The following RBMS1 variants were observed in gnomAD, a reference collection of about 807,000 sequenced individuals.
RBMS1 encodes RNA binding motif single stranded interacting protein 1.
Under a neutral mutation model 62.3 loss-of-function variants are expected in RBMS1, and 17 were observed. The observed-to-expected ratio is 0.27, with a 90% CI of 0.19 to 0.41. The LOEUF (loss-of-function observed/expected upper bound fraction) is 0.41, where lower values mean the gene tolerates loss of function less well. Among genes scored for constraint, RBMS1 ranks in the 10% least tolerant of loss-of-function variants. The probability of loss-of-function intolerance (pLI) is 1.00; values close to 1 mark genes in which losing one functional copy is unlikely to be tolerated. For synonymous variants in RBMS1, 172 were observed against 170.0 expected (o/e 1.01, Z -0.09); for missense variants, 334 against 504.5 (o/e 0.66, Z 3.24).
chr2:160,358,060 A>G (rs1692903678), intron 2 of RBMS1, among the ~76,000 whole-genome samples: 1 of 152,200 alleles, frequency 6.6e-6, no homozygotes, highest in African/African-American at 2.4e-5. Context: ...TGCAACTAAC[A>G]TGAAAAAGAA....
At chr2:160,426,224 A>AGAAAGAAC (rs2105277923) in intron 1 of RBMS1, among the ~76,000 whole-genome samples, 1 of 86,324 alleles carries the variant, frequency 1.2e-5, no homozygotes, top group East Asian at 3.0e-4. Flanking sequence ...GACAGAAGAA[A>AGAAAGAAC]GAAAGAAAGA....
intron 1 of RBMS1, among the ~76,000 whole-genome samples, chr2:160,424,242 C>T (rs1696552750): frequency 6.6e-6 from 1 of 152,012 alleles, no homozygotes; most frequent in African/African-American, 2.4e-5. Context: ...TGGTCTCAAA[C>T]TCCTGACCTC....
At chr2:160,452,524 A>C (rs901399610) in intron 1 of RBMS1, among the ~76,000 whole-genome samples, 1 of 152,142 alleles carries the variant, frequency 6.6e-6, no homozygotes, top group African/African-American at 2.4e-5. Context: ...TTGTTGTTGT[A>C]TTGTTATTCA....
At chr2:160,363,130 G>C (rs924091373) in intron 2 of RBMS1, among the ~76,000 whole-genome samples, 3 of 152,096 alleles carry the variant, frequency 2.0e-5, no homozygotes, top group African/African-American at 7.2e-5. Context: ...AGCGTTATTT[G>C]ACCTATTTTA....
intron 1 of RBMS1, among the ~76,000 whole-genome samples, chr2:160,492,467 A>C (rs1685874236): frequency 1.3e-5 from 2 of 152,104 alleles, no homozygotes; most frequent in South Asian, 4.1e-4. Flanking sequence ...TGCCGAGGTC[A>C]CTTTTTAAAA....
At chr2:160,284,068 CCTAT>C (rs1333950943) in intron 9 of RBMS1, 2 of 152,166 alleles carry the variant, frequency 1.3e-5, no homozygotes, top group Non-Finnish European at 2.9e-5. Flanking sequence ...TTATAAGGTT[CCTAT>C]CTGGGTCCAG....
At chr2:160,476,031 A>G (rs921513751) in intron 1 of RBMS1, among the ~76,000 whole-genome samples, 4 of 151,586 alleles carry the variant, frequency 2.6e-5, no homozygotes, top group African/African-American at 9.7e-5. Context: ...TAATTTTTGT[A>G]TTTTTTTGTA....
intron 1 of RBMS1, among the ~76,000 whole-genome samples, chr2:160,479,976 G>GA (rs897899587): frequency 1.3e-5 from 2 of 151,926 alleles, no homozygotes; most frequent in Admixed American, 6.6e-5. Flanking sequence ...TATAAAGCAT[G>GA]AAAAAAATAC....
intron 1 of RBMS1, among the ~76,000 whole-genome samples, chr2:160,391,369 G>C (rs1694856913): frequency 6.6e-6 from 1 of 151,674 alleles, no homozygotes; most frequent in African/African-American, 2.4e-5. Flanking sequence ...GGCACCTTCA[G>C]AGGGAGCATG....
chr2:160,427,890 T>C (rs1206792731), intron 1 of RBMS1, among the ~76,000 whole-genome samples: 1 of 152,202 alleles, frequency 6.6e-6, no homozygotes, highest in Non-Finnish European at 1.5e-5. Context: ...CAGATCACTG[T>C]TCCAAAAACA....
intron 2 of RBMS1, among the ~76,000 whole-genome samples, chr2:160,320,939 C>A (rs777015921): frequency 1.3e-5 from 2 of 151,750 alleles, no homozygotes; most frequent in South Asian, 2.1e-4. Flanking sequence ...AGCGGGGGGA[C>A]GGTAGGTATG....
At chr2:160,327,148 GACATC>G (rs1385818903) in intron 2 of RBMS1, among the ~76,000 whole-genome samples, 12 of 152,170 alleles carry the variant, frequency 7.9e-5, no homozygotes, top group African/African-American at 2.9e-4. Context: ...AGAAGATACA[GACATC>G]TACATACCTG....
At chr2:160,338,061 A>G (rs1213035491) in intron 2 of RBMS1, among the ~76,000 whole-genome samples, 1 of 152,182 alleles carries the variant, frequency 6.6e-6, no homozygotes, top group African/African-American at 2.4e-5. Flanking sequence ...CAGTGAGCTC[A>G]GTATGTAGGT....
chr2:160,438,327 C>T (rs373313198), intron 1 of RBMS1, among the ~76,000 whole-genome samples: 26 of 149,418 alleles, frequency 1.7e-4, no homozygotes, highest in Non-Finnish European at 7.4e-5. Flanking sequence ...GGCAGGGTCA[C>T]AGGACAATAG....
chr2:160,338,309 T>A (rs1481141023), intron 2 of RBMS1, among the ~76,000 whole-genome samples: 2 of 152,204 alleles, frequency 1.3e-5, no homozygotes, highest in African/African-American at 4.8e-5. Flanking sequence ...CAAATCTTTA[T>A]AAAATATGTA....
At chr2:160,431,199 A>G (rs1420923053) in intron 1 of RBMS1, among the ~76,000 whole-genome samples, 2 of 148,056 alleles carry the variant, frequency 1.4e-5, no homozygotes, top group Non-Finnish European at 3.0e-5. Flanking sequence ...TGGATTTATT[A>G]GTTTATTCTG....
At chr2:160,473,250 G>A (rs1684994750) in intron 1 of RBMS1, among the ~76,000 whole-genome samples, 1 of 152,152 alleles carries the variant, frequency 6.6e-6, no homozygotes, top group African/African-American at 2.4e-5. Context: ...CACTGACTTG[G>A]TGCAGTGTTT....
At chr2:160,335,359 C>T (rs1691510084) in intron 2 of RBMS1, among the ~76,000 whole-genome samples, 1 of 152,128 alleles carries the variant, frequency 6.6e-6, no homozygotes, top group Non-Finnish European at 1.5e-5. Flanking sequence ...GCATCCGATT[C>T]ACCAATGGGC....
chr2:160,405,759 CACA>C (rs1695671900), intron 1 of RBMS1, among the ~76,000 whole-genome samples: 1 of 152,192 alleles, frequency 6.6e-6, no homozygotes, highest in African/African-American at 2.4e-5. Context: ...CCCCTTCACA[CACA>C]AAACCTCCAG....
Sources: gnomAD v4.1 joint callset for allele counts (sites outside exome capture counted in the v4.1 genomes callset) on GRCh38, gnomAD v4.1.1 for gene constraint, MANE v1.5 for transcripts, NCBI Gene and HGNC (gene_info 2026-07-23, HGNC 2026-07-21) for gene names.